Variants in PLCB1 observed in about 807,000 individuals in gnomAD.
PLCB1 encodes the protein 1-phosphatidylinositol 4,5-bisphosphate phosphodiesterase beta-1.
In PLCB1, 46 loss-of-function variants were observed where a neutral mutation model predicts 161.8. That is an observed-to-expected ratio of 0.28 (90% CI 0.22 to 0.36). The LOEUF (loss-of-function observed/expected upper bound fraction) is 0.36, where lower values mean the gene tolerates loss of function less well. PLCB1 is among the 10% of genes least tolerant of loss of function. The pLI is 1.00. For synonymous variants in PLCB1, 517 were observed against 503.7 expected (o/e 1.03, Z -0.35); for missense variants, 1,016 against 1,472.5 (o/e 0.69, Z 5.07).
chr20:8,743,790 C>T (rs1313626580), intron 23 of PLCB1, among the ~76,000 whole-genome samples: 2 of 152,010 alleles, frequency 1.3e-5, no homozygotes, highest in Non-Finnish European at 2.9e-5. Flanking sequence ...TCTGATATTT[C>T]TTCAGTTATA....
intron 3 of PLCB1, among the ~76,000 whole-genome samples, chr20:8,541,935 C>A (rs1352111911): frequency 1.3e-5 from 2 of 152,164 alleles, no homozygotes. Context: ...CAGCTAGCTG[C>A]AGAACACAGA....
chr20:8,358,868 G>C (rs1230120227), intron 2 of PLCB1, among the ~76,000 whole-genome samples: 6 of 152,020 alleles, frequency 3.9e-5, no homozygotes, highest in Non-Finnish European at 7.4e-5. Context: ...AAGATTCTGT[G>C]CTTCTCACCA....
chr20:8,265,595 A>G (rs529807686), intron 2 of PLCB1, among the ~76,000 whole-genome samples: 6 of 152,154 alleles, frequency 3.9e-5, no homozygotes, highest in Non-Finnish European at 8.8e-5. Flanking sequence ...TCTCAAATTT[A>G]TATCTTAATG....
chr20:8,610,923 T>C (rs1285637195), intron 3 of PLCB1, among the ~76,000 whole-genome samples: 2 of 152,016 alleles, frequency 1.3e-5, no homozygotes. Context: ...ATGATAATGA[T>C]GAGAAGTTTT....
chr20:8,418,136 C>T lies in PLCB1; in HGVS notation c.246+46686C>T, dbSNP rs542197834. ...TTAGGGTCTAGTTTGTCCTCCCTCTCTCTCATTTTGTGTCCAGCTTTCTTT... is the reference window on the plus strand; with the variant it reads ...TTAGGGTCTAGTTTGTCCTCCCTCTTTCTCATTTTGTGTCCAGCTTTCTTT... On this transcript the variant is annotated intron_variant, in intron 3 of 31. Transcript: ENST00000338037. Among the ~76,000 whole-genome samples the T allele has an allele frequency of 2.6e-5, 4 of 152,332 alleles. No individual in the cohort carries two copies. The South Asian group carries it at 6.2e-4, about 24-fold the overall frequency.
At chr20:8,761,969 G>A (rs1982055805) in intron 25 of PLCB1, among the ~76,000 whole-genome samples, 1 of 136,538 alleles carries the variant, frequency 7.3e-6, no homozygotes, top group Admixed American at 7.8e-5. Context: ...AGTACCTGGG[G>A]AGGCCAAGGG....
rs71183102 is a variant in PLCB1 at position 8,589,610 on chromosome 20, C to CTTTTTT, written c.247-38665_247-38660dup. On this transcript the variant is annotated intron_variant, in intron 3 of 31. Transcript: ENST00000338037. ...GGCTCTCTCTGGGGTCAATCTCTCT[C>CTTTTTT]TTTTTTTTTTTTTTTTTTTTTTTTG... 2.6e-3 allele frequency among the ~76,000 whole-genome samples: 211 copies of CTTTTTT among 80,128 alleles called. 7 individuals carry two copies. Among genetic ancestry groups the CTTTTTT allele is most frequent in the African/African-American group, 9.9e-3 (194 of 19,658 alleles). The allele number at this position is 80,128 out of a possible 152,430, so 52.6% of individuals were successfully genotyped here. A position where few individuals can be genotyped will look rare whatever the true frequency, so the allele number is the denominator to read the frequency against.
intron 3 of PLCB1, among the ~76,000 whole-genome samples, chr20:8,576,490 A>G (rs887134184): frequency 6.6e-6 from 1 of 152,268 alleles, no homozygotes; most frequent in Non-Finnish European, 1.5e-5. Context: ...TCACACTGAC[A>G]TATTTCCATA....
chr20:8,585,674 A>C (rs1002066848), intron 3 of PLCB1, among the ~76,000 whole-genome samples: 5 of 152,116 alleles, frequency 3.3e-5, no homozygotes, highest in African/African-American at 4.8e-5. Context: ...CTAGAACCAC[A>C]AGTTCAGCTA....
intron 31 of PLCB1, among the ~76,000 whole-genome samples, chr20:8,808,750 T>G (rs569317522): frequency 1.3e-5 from 2 of 152,344 alleles, no homozygotes; most frequent in Non-Finnish European, 2.9e-5. Context: ...AATTAAATAT[T>G]GCTTAAGCAA....
chr20:8,458,695 G>T (rs1165788507), intron 3 of PLCB1, among the ~76,000 whole-genome samples: 5 of 152,084 alleles, frequency 3.3e-5, no homozygotes, highest in Non-Finnish European at 7.3e-5. Context: ...TACATTACCT[G>T]TCTGGGATGA....
At chr20:8,640,377 CT>C (rs1254514073) in intron 4 of PLCB1, among the ~76,000 whole-genome samples, 4 of 152,016 alleles carry the variant, frequency 2.6e-5, no homozygotes, top group Admixed American at 2.0e-4. Context: ...TTTTAAAATC[CT>C]TTTTTATGTG....
intron 2 of PLCB1, among the ~76,000 whole-genome samples, chr20:8,285,658 C>G (rs1446390487): frequency 6.6e-6 from 1 of 152,012 alleles, no homozygotes; most frequent in Non-Finnish European, 1.5e-5. Flanking sequence ...CCTCCTTGAG[C>G]AGCTACCCAC....
chr20:8,303,556 G>A (rs1056524382), intron 2 of PLCB1, among the ~76,000 whole-genome samples: 3 of 152,196 alleles, frequency 2.0e-5, no homozygotes, highest in South Asian at 4.1e-4. Context: ...TTAATAAAAG[G>A]ATTACAGAAG....
chr20:8,394,952 C>T (rs6039157), intron 3 of PLCB1, among the ~76,000 whole-genome samples: 1 of 152,076 alleles, frequency 6.6e-6, no homozygotes, highest in East Asian at 1.9e-4. Context: ...TCGTTTCTTC[C>T]TAGACTATTT....
At position 8,757,049 on chromosome 20, in the gene PLCB1, G is replaced by A. The variant is rs1373590652; in HGVS notation, c.2527G>A (p.Asp843Asn). The change falls in exon 24 of 32, where the codon GAT (aspartate) becomes AAT (asparagine). Residue 843 changes from aspartate to asparagine, a missense_variant. Around this residue, in one of 10 missense-constraint regions of PLCB1, gnomAD observed 398 missense variants for 445.4 expected, o/e 0.89. Transcript: ENST00000338037. Reference protein sequence around the residue: ...EDEEEVKKEADPGETPSEAPS... With the variant: ...EDEEEVKKEANPGETPSEAPS... Reference sequence around the variant, plus strand: ...GAAAGGATATTTATAATTTTAGGCTGATCCTGGAGAAACACCATCAGAGGC... The same window carrying A: ...GAAAGGATATTTATAATTTTAGGCTAATCCTGGAGAAACACCATCAGAGGC... 1.3e-6 allele frequency: 2 copies of A among 1,597,856 alleles called. No homozygotes were observed. Among genetic ancestry groups the A allele is most frequent in the Non-Finnish European group, 8.5e-7 (1 of 1,173,192 alleles).
intron 2 of PLCB1, among the ~76,000 whole-genome samples, chr20:8,175,139 T>C (rs1407686386): frequency 6.6e-6 from 1 of 151,814 alleles, no homozygotes; most frequent in Non-Finnish European, 1.5e-5. Context: ...ACAAAAACCT[T>C]ACACTTAAAA....
chr20:8,601,326 T>G (rs1302275120), intron 3 of PLCB1, among the ~76,000 whole-genome samples: 4 of 152,180 alleles, frequency 2.6e-5, no homozygotes, highest in Non-Finnish European at 5.9e-5. Context: ...TCCGAGGTAT[T>G]AAGCCTAGTA....
chr20:8,466,701 T>C (rs1273526283), intron 3 of PLCB1, among the ~76,000 whole-genome samples: 2 of 152,154 alleles, frequency 1.3e-5, no homozygotes, highest in African/African-American at 2.4e-5. Flanking sequence ...TTAAGTTTAT[T>C]GTTTGTAGGT....
Sources: gnomAD v4.1 joint callset for allele counts (sites outside exome capture counted in the v4.1 genomes callset) on GRCh38, gnomAD v4.1.1 for gene constraint, gnomAD v4.1.1 regional missense constraint, MANE v1.5 for transcripts, NCBI Gene and HGNC (gene_info 2026-07-23, HGNC 2026-07-21) for gene names.